CSMD1: variants seen among roughly 807,000 people sequenced by gnomAD.
CSMD1 encodes the protein CUB and Sushi multiple domains 1, also known as CUB and sushi domain-containing protein 1.
A neutral mutation model predicts 417.5 loss-of-function variants in CSMD1; 213 were observed. The ratio of observed to expected loss-of-function variants is 0.51; its 90% CI spans 0.46 to 0.57. The LOEUF is 0.57. Among genes scored for constraint, CSMD1 ranks in the 20% least tolerant of loss-of-function variants. The pLI is 0.00. For synonymous variants in CSMD1, 2,862 were observed against 1,736.8 expected, an observed-to-expected ratio of 1.65 and a Z score of -16.11; for missense variants, 6,923 against 4,529.7, an observed-to-expected ratio of 1.53 and a Z score of -15.17.
chr8:3,867,248 T>C (rs1805167305), intron 5 of CSMD1, among the ~76,000 whole-genome samples: 1 of 152,146 alleles, frequency 6.6e-6, no homozygotes, highest in Non-Finnish European at 1.5e-5. Flanking sequence ...AGCTAGCTAG[T>C]GTAAGAAGCA....
intron 7 of CSMD1, among the ~76,000 whole-genome samples, chr8:3,633,231 T>C (rs1490067448): frequency 1.3e-5 from 2 of 152,202 alleles, no homozygotes; most frequent in Non-Finnish European, 2.9e-5. Flanking sequence ...AATGTCTACA[T>C]TGGATATAAC....
intron 2 of CSMD1, among the ~76,000 whole-genome samples, chr8:4,548,809 G>A (rs1029762613): frequency 6.6e-6 from 1 of 152,102 alleles, no homozygotes; most frequent in Non-Finnish European, 1.5e-5. Context: ...GCAACAACCT[G>A]ATATATGGAG....
intron 2 of CSMD1, among the ~76,000 whole-genome samples, chr8:4,499,593 T>A (rs887191088): frequency 3.9e-5 from 6 of 152,348 alleles, no homozygotes; most frequent in African/African-American, 1.4e-4. Flanking sequence ...ATATTAATTC[T>A]GTAAAAGGTC....
intron 4 of CSMD1, among the ~76,000 whole-genome samples, chr8:3,999,783 C>G (rs542690443): frequency 5.9e-5 from 9 of 152,064 alleles, no homozygotes; most frequent in African/African-American, 2.2e-4. Flanking sequence ...CAAGTATGAA[C>G]GAAATCAAGA....
At chr8:4,087,265 A>C (rs567555585) in intron 3 of CSMD1, among the ~76,000 whole-genome samples, 1 of 152,140 alleles carries the variant, frequency 6.6e-6, no homozygotes, top group South Asian at 2.1e-4. Flanking sequence ...TCACAGTTCA[A>C]CTTCTCTTGC....
chr8:4,132,215 T>TTC (rs1554463030), intron 3 of CSMD1, among the ~76,000 whole-genome samples: 10 of 58,586 alleles, frequency 1.7e-4, no homozygotes, highest in African/African-American at 6.7e-4. Flanking sequence ...TTTTTTTTTT[T>TTC]CACGGGGTAG....
intron 1 of CSMD1, among the ~76,000 whole-genome samples, chr8:4,937,104 C>T (rs1807671936): frequency 6.6e-6 from 1 of 152,218 alleles, no homozygotes. Flanking sequence ...TCCCAGCTAT[C>T]CAGGAGGCTG....
intron 23 of CSMD1, among the ~76,000 whole-genome samples, chr8:3,332,204 G>T (rs1286323502): frequency 1.3e-5 from 2 of 152,224 alleles, no homozygotes; most frequent in Non-Finnish European, 2.9e-5. Flanking sequence ...CTGCTTGATG[G>T]CATGAAAACA....
chr8:4,860,517 T>C (rs994828585), intron 1 of CSMD1, among the ~76,000 whole-genome samples: 37 of 152,082 alleles, frequency 2.4e-4, no homozygotes, highest in Non-Finnish European at 7.4e-5. Context: ...AAAAGCTCTC[T>C]GAGGCCTCGC....
chr8:4,423,164 A>C lies in CSMD1; in HGVS notation c.303-3099T>G, dbSNP rs560641312. Among the ~76,000 whole-genome samples, 106 of 152,242 alleles carry C rather than the reference A, an allele frequency of 7.0e-4. 1 individual carries two copies. The highest frequency in any genetic ancestry group is 1.9e-3 in the South Asian group (9 of 4,832). On this transcript the variant is annotated intron_variant, in intron 2 of 69. Transcript: ENST00000635120. The stretch of plus-strand genomic sequence containing the variant: ...GTCAAGAAATTTGAACAAGTCAAGA[A>C]TGCTTTGAACATTCTTATTCAATAT...
chr8:3,186,881 A>T (rs1821794153), intron 36 of CSMD1, among the ~76,000 whole-genome samples: 1 of 152,208 alleles, frequency 6.6e-6, no homozygotes, highest in African/African-American at 2.4e-5. Flanking sequence ...ATCCCTTAGA[A>T]CTTAGTTGGT....
intron 27 of CSMD1, among the ~76,000 whole-genome samples, chr8:3,229,495 T>C (rs1360631423): frequency 4.6e-5 from 7 of 152,234 alleles, no homozygotes; most frequent in Non-Finnish European, 1.0e-4. Flanking sequence ...CAAAATCATT[T>C]GTTATCCTTT....
At chr8:4,200,918 T>C (rs1462955136) in intron 3 of CSMD1, among the ~76,000 whole-genome samples, 1 of 152,204 alleles carries the variant, frequency 6.6e-6, no homozygotes, top group African/African-American at 2.4e-5. Flanking sequence ...GTTTAAAGTA[T>C]ATGCATTCAT....
At chr8:4,260,802 G>A (rs1366736963) in intron 3 of CSMD1, among the ~76,000 whole-genome samples, 2 of 152,034 alleles carry the variant, frequency 1.3e-5, no homozygotes, top group South Asian at 2.1e-4. Flanking sequence ...CACCTCTCCT[G>A]GAAAATTATT....
chr8:3,298,840 A>T (rs1046079250), intron 25 of CSMD1, among the ~76,000 whole-genome samples: 16 of 152,188 alleles, frequency 1.1e-4, no homozygotes, highest in Admixed American at 8.5e-4. Flanking sequence ...ATTTGAATAG[A>T]GCTCAAAGGT....
intron 23 of CSMD1, among the ~76,000 whole-genome samples, chr8:3,322,338 ATGAC>A (rs1806205402): frequency 6.6e-6 from 1 of 152,188 alleles, no homozygotes; most frequent in Admixed American, 6.5e-5. Context: ...TATTAGTTAA[ATGAC>A]TGAACATTCA....
intron 1 of CSMD1, among the ~76,000 whole-genome samples, chr8:4,806,061 T>C (rs2117308138): frequency 6.6e-6 from 1 of 152,316 alleles, no homozygotes; most frequent in East Asian, 1.9e-4. Flanking sequence ...ACCCGGATTT[T>C]CGGTGTCATT....
chr8:4,987,814 G>A (rs1811260665), intron 1 of CSMD1, among the ~76,000 whole-genome samples: 2 of 152,136 alleles, frequency 1.3e-5, no homozygotes, highest in South Asian at 4.1e-4. Flanking sequence ...GAGTCTTCAG[G>A]TCTTCATCTT....
intron 2 of CSMD1, among the ~76,000 whole-genome samples, chr8:4,479,320 G>A (rs1449821370): frequency 6.6e-6 from 1 of 152,072 alleles, no homozygotes; most frequent in Non-Finnish European, 1.5e-5. Context: ...GTATGAAAAA[G>A]GAATTTTATA....
Sources: gnomAD v4.1 joint callset for allele counts (sites outside exome capture counted in the v4.1 genomes callset) on GRCh38, gnomAD v4.1.1 for gene constraint, MANE v1.5 for transcripts, NCBI Gene and HGNC (gene_info 2026-07-23, HGNC 2026-07-21) for gene names.